FSIP1: variants seen among roughly 807,000 people sequenced by gnomAD.
FSIP1 encodes the protein fibrous sheath-interacting protein 1.
In FSIP1, 65 loss-of-function variants were observed where a neutral mutation model predicts 60.9. That is an observed-to-expected ratio of 1.07 (90% CI 0.87 to 1.31). FSIP1 has a LOEUF of 1.31. Among genes scored for constraint, FSIP1 ranks in the 40% most tolerant of loss-of-function variants. The pLI is 0.00. For missense variants in FSIP1, 675 were observed against 665.5 expected (o/e 1.01, Z -0.16); for synonymous variants, 209 against 221.2 (o/e 0.94, Z 0.49).
In FSIP1 at chr15:39,617,730, C is replaced by T. The variant is rs1483345544; in HGVS notation, c.1699+5G>A. ...TTACCAAAACACATGTTCGCCAAGCCTCACCTGCTATTGTATTCTCTGGAG... is the reference window on the plus strand; with the variant it reads ...TTACCAAAACACATGTTCGCCAAGCTTCACCTGCTATTGTATTCTCTGGAG... On this transcript the variant is annotated splice_donor_5th_base_variant and intron_variant, in intron 11 of 11. Coordinates refer to ENST00000350221, the MANE Select transcript of FSIP1 (RefSeq NM_152597.5). 1 of 1,604,444 alleles carries T rather than the reference C, an allele frequency of 6.2e-7. No homozygotes were observed. Among genetic ancestry groups the T allele is most frequent in the Non-Finnish European group, 8.5e-7 (1 of 1,174,836 alleles).
chr15:39,739,052 T>G (rs1378423468), intron 7 of FSIP1, among the ~76,000 whole-genome samples: 1 of 152,220 alleles, frequency 6.6e-6, no homozygotes, highest in African/African-American at 2.4e-5. Flanking sequence ...ATTAATTAAT[T>G]CACATTCTGG....
intron 10 of FSIP1, among the ~76,000 whole-genome samples, chr15:39,622,062 GA>G: frequency 6.6e-6 from 1 of 152,140 alleles, no homozygotes; most frequent in Admixed American, 6.5e-5. Context: ...AATAGTTAAG[GA>G]ATCATCTAAC....
chr15:39,722,917 G>A (rs926609798), intron 9 of FSIP1, among the ~76,000 whole-genome samples: 9 of 151,732 alleles, frequency 5.9e-5, no homozygotes, highest in African/African-American at 1.9e-4. Context: ...GGTGACAAGC[G>A]AGACCTTGTC....
At chr15:39,635,333 C>CAA (rs996803121) in intron 10 of FSIP1, among the ~76,000 whole-genome samples, 1,439 of 119,734 alleles carry the variant, frequency 0.012, 29 homozygotes, top group African/African-American at 0.042. Context: ...GACTCTGTCT[C>CAA]AAAAAAAAAA....
At position 39,757,124 on chromosome 15, in the gene FSIP1, A is replaced by AG. The variant is rs138713271; in HGVS notation, c.559+6696dup. On this transcript the variant is annotated intron_variant, in intron 5 of 11. Transcript: ENST00000350221. ...CTGTGCTGGCAACAAAAAATTATAC[A>AG]GGAAAAAAAGGCAAAATTTTCCTGT... is the stretch of plus-strand genomic sequence containing the variant. Among the ~76,000 whole-genome samples the AG allele has an allele frequency of 6.5e-3, 997 of 152,272 alleles. 14 individuals carry two copies. The highest frequency in any genetic ancestry group is 0.023 in the African/African-American group (958 of 41,552).
chr15:39,615,033 T>C (rs1891173153), intron 11 of FSIP1, among the ~76,000 whole-genome samples: 1 of 152,172 alleles, frequency 6.6e-6, no homozygotes, highest in Admixed American at 6.5e-5. Flanking sequence ...GAATGCACAA[T>C]GGGGAATGGT....
intron 10 of FSIP1, among the ~76,000 whole-genome samples, chr15:39,712,451 G>A (rs911938509): frequency 6.6e-6 from 1 of 152,070 alleles, no homozygotes; most frequent in African/African-American, 2.4e-5. Context: ...CTGAGAGAAG[G>A]GTGATAAAAG....
chr15:39,754,553 A>G (rs76723103), intron 5 of FSIP1, among the ~76,000 whole-genome samples: 22 of 152,086 alleles, frequency 1.4e-4, no homozygotes, highest in Admixed American at 2.6e-4. Flanking sequence ...TAAAAAAAAA[A>G]CAGGTCAGAT....
At chr15:39,750,603 C>T (rs1368334097) in intron 5 of FSIP1, among the ~76,000 whole-genome samples, 1 of 151,668 alleles carries the variant, frequency 6.6e-6, no homozygotes, top group African/African-American at 2.4e-5. Context: ...AATGAAATTA[C>T]ACTCTTATCT....
At chr15:39,609,191 G>A (rs1202972990) in intron 11 of FSIP1, among the ~76,000 whole-genome samples, 2 of 152,192 alleles carry the variant, frequency 1.3e-5, no homozygotes, top group African/African-American at 4.8e-5. Flanking sequence ...TCTTGCAGTG[G>A]CTCTGCATTC....
chr15:39,625,743 AG>A (rs1402525127), intron 10 of FSIP1, among the ~76,000 whole-genome samples: 1 of 152,144 alleles, frequency 6.6e-6, no homozygotes, highest in Non-Finnish European at 1.5e-5. Context: ...CAGCTAAAAA[AG>A]CCTGGCCAGG....
chr15:39,688,275 A>G (rs1894463782), intron 10 of FSIP1, among the ~76,000 whole-genome samples: 2 of 152,198 alleles, frequency 1.3e-5, no homozygotes, highest in Admixed American at 1.3e-4. Flanking sequence ...TAAGTTGAAA[A>G]TACAGTAAGC....
intron 10 of FSIP1, among the ~76,000 whole-genome samples, chr15:39,674,306 G>A (rs760866526): frequency 3.3e-5 from 5 of 151,984 alleles, no homozygotes; most frequent in East Asian, 1.9e-4. Flanking sequence ...CGCCCGCCTC[G>A]GCCTCCCAAA....
At position 39,702,657 on chromosome 15, in the gene FSIP1, C is replaced by A. The variant is rs185805526; in HGVS notation, c.1188+10787G>T. Among the ~76,000 whole-genome samples, 86 of 150,608 alleles carry A rather than the reference C, an allele frequency of 5.7e-4. 1 individual carries two copies. The highest frequency in any genetic ancestry group is 3.4e-3 in the Middle Eastern group (1 of 292). On this transcript the variant is annotated intron_variant, in intron 10 of 11. Coordinates refer to ENST00000350221, the MANE Select transcript of FSIP1 (RefSeq NM_152597.5). ...GTATAATGTTTATGTATACATTTTT[C>A]TTTTACCTCAATGCTATACTGTTTA... is the stretch of plus-strand genomic sequence containing the variant.
chr15:39,777,105 T>C (rs1263327255), intron 1 of FSIP1, among the ~76,000 whole-genome samples: 1 of 152,088 alleles, frequency 6.6e-6, no homozygotes, highest in Non-Finnish European at 1.5e-5. Context: ...TATAGTATTT[T>C]TTTTTTTTAG....
intron 7 of FSIP1, 49 bp from the exon 8 acceptor site, chr15:39,738,250 G>T: frequency 1.6e-6 from 2 of 1,230,740 alleles, no homozygotes; most frequent in East Asian, 2.4e-5. Context: ...GAAATTCACA[G>T]TTCAGGAAAA....
intron 10 of FSIP1, among the ~76,000 whole-genome samples, chr15:39,701,909 T>C (rs570407363): frequency 2.0e-5 from 3 of 152,312 alleles, no homozygotes; most frequent in African/African-American, 7.2e-5. Flanking sequence ...GTTTAAATTA[T>C]TGTGTTCTTC....
At chr15:39,773,387 A>C (rs981180068) in intron 2 of FSIP1, among the ~76,000 whole-genome samples, 7 of 152,262 alleles carry the variant, frequency 4.6e-5, no homozygotes, top group Non-Finnish European at 1.0e-4. Context: ...TTTGCTTTCA[A>C]TATAAGTGCC....
At chr15:39,624,700 G>C (rs926547025) in intron 10 of FSIP1, among the ~76,000 whole-genome samples, 1 of 152,082 alleles carries the variant, frequency 6.6e-6, no homozygotes, top group African/African-American at 2.4e-5. Flanking sequence ...TCATATAAAG[G>C]CAAGTCCGGC....
Sources: allele counts gnomAD v4.1 joint callset (sites outside exome capture counted in the v4.1 genomes callset), GRCh38; gene constraint gnomAD v4.1.1; transcripts MANE v1.5; gene names NCBI Gene and HGNC (gene_info 2026-07-23, HGNC 2026-07-21).